Variants in TMEM272 observed in about 807,000 individuals in gnomAD.
The protein encoded by TMEM272 is long intergenic non-protein coding RNA 282.
Under a neutral mutation model 3.7 loss-of-function variants are expected in TMEM272, and 8 were observed. The observed-to-expected ratio is 2.17, with a 90% confidence interval of 1.27 to 3.91. The LOEUF (loss-of-function observed/expected upper bound fraction) is 3.91, where lower values mean the gene tolerates loss of function less well. Among genes scored for constraint, TMEM272 ranks in the 30% most tolerant of loss-of-function variants. The probability of loss-of-function intolerance (pLI) is 0.00; values close to 1 mark genes in which losing one functional copy is unlikely to be tolerated. For synonymous variants in TMEM272, 63 were observed against 39.8 expected (o/e 1.58, Z -2.20); for missense variants, 166 against 91.5 (o/e 1.81, Z -3.32).
At chr13:51,896,631 C>T in the TMEM272 span, among the ~76,000 whole-genome samples, 1 of 152,118 alleles carries the variant, frequency 6.6e-6, no homozygotes, top group East Asian at 1.9e-4. Flanking sequence ...GTTGCGACCA[C>T]CAGAGGAGGT....
intron 3 of TMEM272, 104 bp from the exon 4 acceptor site, chr13:51,822,241 T>A: frequency 1.6e-6 from 1 of 616,784 alleles, no homozygotes; most frequent in Non-Finnish European, 2.9e-6. Flanking sequence ...ATGTTAATCA[T>A]GCAAACCATA....
chr13:51,857,800 A>G, the TMEM272 span, among the ~76,000 whole-genome samples: 1 of 152,232 alleles, frequency 6.6e-6, no homozygotes, highest in Non-Finnish European at 1.5e-5. Context: ...AAATATTTTT[A>G]AAAACCAAAT....
upstream of TMEM272, among the ~76,000 whole-genome samples, chr13:51,846,782 T>C (rs2139597683): frequency 6.6e-6 from 1 of 152,330 alleles, no homozygotes; most frequent in Admixed American, 6.5e-5. Flanking sequence ...GTATGTATAA[T>C]GTATGGGCTA....
chr13:51,866,294 C>T, the TMEM272 span: 3 of 509,424 alleles, frequency 5.9e-6, no homozygotes, highest in Non-Finnish European at 1.1e-5. Context: ...GGTCATGTTC[C>T]CACCTCTGGG....
chr13:51,867,421 T>C, the TMEM272 span, among the ~76,000 whole-genome samples: 1 of 152,128 alleles, frequency 6.6e-6, no homozygotes, highest in African/African-American at 2.4e-5. Context: ...TGGCTGATAG[T>C]GGTGTCAATA....
the TMEM272 span, among the ~76,000 whole-genome samples, chr13:51,868,573 T>G: frequency 6.6e-6 from 1 of 152,232 alleles, no homozygotes; most frequent in Admixed American, 6.5e-5. Flanking sequence ...CAAATGCAGA[T>G]AGATTTCTCC....
chr13:51,910,084 A>T, the TMEM272 span: 1 of 1,132,420 alleles, frequency 8.8e-7, no homozygotes, highest in South Asian at 1.2e-5. Flanking sequence ...AGGGATTTTG[A>T]CTCATCTTCT....
In TMEM272 at chr13:51,820,452, A is replaced by C. The variant is rs577477857; in HGVS notation, c.201+1603T>G. On this transcript the variant is annotated intron_variant, in intron 4 of 4. Coordinates refer to ENST00000629372, the MANE Select transcript of TMEM272 (RefSeq NM_001351003.2). ...TTGCCATCATGAGCACAAAAATTTAATTTGGCTTCAAACGGTTTTAGATTG... is the reference window on the plus strand; with the variant it reads ...TTGCCATCATGAGCACAAAAATTTACTTTGGCTTCAAACGGTTTTAGATTG... Among the ~76,000 whole-genome samples the C allele has an allele frequency of 2.6e-5, 4 of 152,300 alleles. No individual in the cohort carries two copies. In the East Asian group the frequency reaches 7.7e-4, roughly 29 times the overall value.
intron 4 of TMEM272, among the ~76,000 whole-genome samples, chr13:51,820,456 G>A (rs917005599): frequency 6.6e-5 from 10 of 152,090 alleles, no homozygotes; most frequent in Non-Finnish European, 1.5e-4. Flanking sequence ...AATTTAATTT[G>A]GCTTCAAACG....
the TMEM272 span, among the ~76,000 whole-genome samples, chr13:51,871,720 T>C: frequency 1.8e-3 from 270 of 151,706 alleles, 1 homozygote; most frequent in Admixed American, 5.7e-3. Context: ...TAATAAATGT[T>C]TATTTTTGTA....
chr13:51,841,577 CA>C (rs1318860145), intron 1 of TMEM272, among the ~76,000 whole-genome samples: 4 of 152,240 alleles, frequency 2.6e-5, no homozygotes, highest in Admixed American at 2.6e-4. Flanking sequence ...AATGTTTCAC[CA>C]CAAAAAGTAA....
the TMEM272 span, among the ~76,000 whole-genome samples, chr13:51,896,439 G>C: frequency 6.6e-6 from 1 of 152,150 alleles, no homozygotes; most frequent in Non-Finnish European, 1.5e-5. Flanking sequence ...GGAACTATGT[G>C]AGCAGCAGCA....
chr13:51,841,168 T>C (rs34595679), intron 1 of TMEM272, among the ~76,000 whole-genome samples: 2,488 of 152,334 alleles, frequency 0.016, 26 homozygotes, highest in African/African-American at 0.028. Flanking sequence ...TCACGGCTCC[T>C]AAAGGCCCGG....
chr13:51,821,848 C>G (rs1593590802), intron 4 of TMEM272, among the ~76,000 whole-genome samples: 1 of 152,274 alleles, frequency 6.6e-6, no homozygotes, highest in East Asian at 1.9e-4. Context: ...AGGAAGGAAG[C>G]TCTTGCAAAT....
At chr13:51,865,383 C>T in the TMEM272 span, 1 of 1,587,430 alleles carries the variant, frequency 6.3e-7, no homozygotes, top group Non-Finnish European at 8.6e-7. Context: ...TCCCTCATGG[C>T]CACCCCGCCA....
At position 51,838,472 on chromosome 13, in the gene TMEM272, C is replaced by T. The variant is rs1307628349; in HGVS notation, c.58+1G>A. Reference sequence around the variant, plus strand: ...GGGCATTTCTCAGAGTTGTGACTCACCATTGCTGGCGATTTTAGAAATGCA... The same window carrying T: ...GGGCATTTCTCAGAGTTGTGACTCATCATTGCTGGCGATTTTAGAAATGCA... On this transcript the variant is annotated splice_donor_variant, in intron 2 of 4. Coordinates refer to ENST00000629372, the MANE Select transcript of TMEM272 (RefSeq NM_001351003.2). LOFTEE classifies it high-confidence loss of function. 1 of 703,028 alleles carries T rather than the reference C, an allele frequency of 1.4e-6. No homozygotes were observed. Among genetic ancestry groups the T allele is most frequent in the Non-Finnish European group, 2.6e-6 (1 of 385,010 alleles). 43.5% of individuals were successfully genotyped at this position (703,028 alleles called of 1,614,324 possible). A position where few individuals can be genotyped will look rare whatever the true frequency, so the allele number is the denominator to read the frequency against.
intron 2 of TMEM272, among the ~76,000 whole-genome samples, chr13:51,827,565 C>T (rs1017172537): frequency 6.6e-6 from 1 of 152,054 alleles, no homozygotes; most frequent in South Asian, 2.1e-4. Context: ...GCCTGCCCCC[C>T]AGTTCCCACT....
chr13:51,897,660 C>T, the TMEM272 span, among the ~76,000 whole-genome samples: 2 of 152,056 alleles, frequency 1.3e-5, no homozygotes, highest in Non-Finnish European at 2.9e-5. Flanking sequence ...GGCGCAGTGG[C>T]TCATGCCTGT....
At chr13:51,886,229 CAA>C in the TMEM272 span, among the ~76,000 whole-genome samples, 3 of 152,188 alleles carry the variant, frequency 2.0e-5, no homozygotes, top group African/African-American at 7.2e-5. Context: ...CTGGAAAAAA[CAA>C]AGAGGTGCTG....
Sources: gnomAD v4.1 joint callset for allele counts (sites outside exome capture counted in the v4.1 genomes callset) on GRCh38, gnomAD v4.1.1 for gene constraint, MANE v1.5 for transcripts, NCBI Gene and HGNC (gene_info 2026-07-23, HGNC 2026-07-21) for gene names.